The following ANKRD33B variants were observed in gnomAD, a reference collection of about 807,000 sequenced individuals.
The protein encoded by ANKRD33B is ankyrin repeat domain 33B, also known as ankyrin repeat domain-containing protein 33B.
ANKRD33B carries 6 observed loss-of-function variants against 21.5 expected under a neutral mutation model. That is an observed-to-expected ratio of 0.28 (90% CI 0.15 to 0.55). The LOEUF is 0.55. Ranked by LOEUF, ANKRD33B falls within the 20% of genes least tolerant of loss-of-function variation. ANKRD33B has a pLI of 0.94. For missense variants in ANKRD33B, 698 were observed against 747.2 expected (o/e 0.93, Z 0.77); for synonymous variants, 347 against 342.4 (o/e 1.01, Z -0.15).
At chr5:10,644,106 T>A (rs1055061644) in intron 3 of ANKRD33B, among the ~76,000 whole-genome samples, 2 of 152,120 alleles carry the variant, frequency 1.3e-5, no homozygotes, top group Non-Finnish European at 2.9e-5. Flanking sequence ...ATATTTTAAG[T>A]CTTATTCTTT....
At chr5:10,581,329 C>A (rs1285241836) in intron 1 of ANKRD33B, among the ~76,000 whole-genome samples, 3 of 152,248 alleles carry the variant, frequency 2.0e-5, no homozygotes, top group Non-Finnish European at 4.4e-5. Flanking sequence ...TGGCCCCCTG[C>A]CTTTCAGCCA....
At chr5:10,606,780 G>A (rs1264007543) in intron 1 of ANKRD33B, among the ~76,000 whole-genome samples, 1 of 151,064 alleles carries the variant, frequency 6.6e-6, no homozygotes, top group Non-Finnish European at 1.5e-5. Context: ...CCAGGTTAGA[G>A]GGCAGTGGCG....
intron 1 of ANKRD33B, among the ~76,000 whole-genome samples, chr5:10,586,106 C>T (rs1323765033): frequency 6.6e-6 from 1 of 152,094 alleles, no homozygotes; most frequent in African/African-American, 2.4e-5. Flanking sequence ...AATTGCATAG[C>T]ATTTCTTTCT....
chr5:10,573,810 A>C (rs886713830), intron 1 of ANKRD33B, among the ~76,000 whole-genome samples: 2 of 152,204 alleles, frequency 1.3e-5, no homozygotes, highest in Non-Finnish European at 2.9e-5. Flanking sequence ...GTCACCTCCC[A>C]CCAGGCCCCT....
In ANKRD33B at chr5:10,640,084, T is replaced by C. The variant is rs370151280; in HGVS notation, c.637+1916T>C. Among the ~76,000 whole-genome samples, 2 of 51,644 alleles carry C rather than the reference T, an allele frequency of 3.9e-5. 1 individual carries two copies. Among genetic ancestry groups the C allele is most frequent in the Non-Finnish European group, 9.3e-5 (2 of 21,530 alleles). 33.9% of individuals were successfully genotyped at this position (51,644 alleles called of 152,430 possible). Reference sequence around the variant, plus strand: ...TAGGCGGTGACGTGGAGTTGCGTGGTAATGTTAGCGGGTGACGTGGAGTTG... The same window carrying C: ...TAGGCGGTGACGTGGAGTTGCGTGGCAATGTTAGCGGGTGACGTGGAGTTG... On this transcript the variant is annotated intron_variant, in intron 3 of 3. Coordinates refer to ENST00000296657, the MANE Select transcript of ANKRD33B (RefSeq NM_001164440.2).
intron 1 of ANKRD33B, among the ~76,000 whole-genome samples, chr5:10,589,163 C>T (rs986982609): frequency 2.0e-5 from 3 of 152,066 alleles, no homozygotes; most frequent in South Asian, 2.1e-4. Flanking sequence ...CTAATCCAAC[C>T]GTGCTGTGGG....
rs551894016 is a variant in ANKRD33B, at chr5:10,650,194, C to A, written c.*81C>A. 5 of 1,351,006 alleles carry A rather than the reference C, an allele frequency of 3.7e-6. No homozygotes were observed. The highest frequency in any genetic ancestry group is 5.7e-5 in the East Asian group (2 of 35,012). The allele number at this position is 1,351,006 out of a possible 1,614,324, so 83.7% of individuals were successfully genotyped here. On this transcript the variant is annotated 3_prime_UTR_variant, in exon 4 of 4. Transcript: ENST00000296657. ...CTGGGCGCGGAGAAGGAGGCGGCCC[C>A]GTTGCGCATCGCACCACTTCCGCTC... is the stretch of plus-strand genomic sequence containing the variant.
At chr5:10,573,291 A>G (rs528223472) in intron 1 of ANKRD33B, among the ~76,000 whole-genome samples, 2 of 152,070 alleles carry the variant, frequency 1.3e-5, no homozygotes, top group Non-Finnish European at 2.9e-5. Flanking sequence ...ACACGGTGAA[A>G]CCCCGTCTTT....
chr5:10,618,243 G>C, intron 1 of ANKRD33B, 90 bp from the exon 2 acceptor site: 5 of 1,504,370 alleles, frequency 3.3e-6, no homozygotes, highest in Non-Finnish European at 4.5e-6. Context: ...CAGCCCCCTG[G>C]AGGGTAGTGG....
chr5:10,627,289 CTTG>C (rs1286130564), intron 2 of ANKRD33B: 1 of 152,182 alleles, frequency 6.6e-6, no homozygotes, highest in East Asian at 1.9e-4. Context: ...TTTCTGTTTC[CTTG>C]TTGTGCTTTA....
chr5:10,620,193 C>T lies in ANKRD33B; in HGVS notation c.496+1731C>T, dbSNP rs113237609. ...AGAGGGCTCAGAGCACAGGGAAGGG[C>T]CGGGAGCTGTGTGGCTAGAAACACA... On this transcript the variant is annotated intron_variant, in intron 2 of 3. Transcript: ENST00000296657. 1.2e-3 allele frequency among the ~76,000 whole-genome samples: 183 copies of T among 152,166 alleles called. 3 individuals are homozygous for T. Among genetic ancestry groups the T allele is most frequent in the Admixed American group, 1.4e-3 (21 of 15,284 alleles).
rs1278239922 is a variant in ANKRD33B, at chr5:10,642,681, G to T, written c.637+4513G>T. 9.9e-5 allele frequency among the ~76,000 whole-genome samples: 15 copies of T among 152,210 alleles called. No individual in the cohort carries two copies. The East Asian group carries it at 2.9e-3, about 29-fold the overall frequency. Reference sequence around the variant, plus strand: ...TCGGGTGCATGCTGGGCTTGGAGAAGCCTTCGGACATGTTGGTTGTGATTA... The same window carrying T: ...TCGGGTGCATGCTGGGCTTGGAGAATCCTTCGGACATGTTGGTTGTGATTA... On this transcript the variant is annotated intron_variant, in intron 3 of 3. Transcript: ENST00000296657.
intron 2 of ANKRD33B, among the ~76,000 whole-genome samples, chr5:10,631,118 G>A (rs909323184): frequency 6.6e-6 from 1 of 152,214 alleles, no homozygotes; most frequent in African/African-American, 2.4e-5. Flanking sequence ...TTAGGGAAAA[G>A]GGGTTCTGGT....
intron 3 of ANKRD33B, among the ~76,000 whole-genome samples, chr5:10,641,756 A>G (rs187332281): frequency 1.2e-3 from 185 of 152,220 alleles, no homozygotes; most frequent in African/African-American, 4.3e-3. Flanking sequence ...AAATAAGTTC[A>G]GTGAATGAGA....
intron 2 of ANKRD33B, among the ~76,000 whole-genome samples, chr5:10,630,884 A>AG (rs1553994252): frequency 6.6e-6 from 1 of 151,338 alleles, no homozygotes; most frequent in African/African-American, 2.4e-5. Context: ...AAAAAAAAAA[A>AG]AAGAAGAAGA....
intron 3 of ANKRD33B, among the ~76,000 whole-genome samples, chr5:10,640,591 T>A (rs1737026219): frequency 6.6e-6 from 1 of 152,278 alleles, no homozygotes; most frequent in Non-Finnish European, 1.5e-5. Context: ...AGTTAGCAGC[T>A]GACATCTCAG....
At chr5:10,580,560 A>G (rs903132585) in intron 1 of ANKRD33B, among the ~76,000 whole-genome samples, 1 of 151,992 alleles carries the variant, frequency 6.6e-6, no homozygotes, top group Admixed American at 6.5e-5. Context: ...TTTTCTGAAG[A>G]GAAGGTTGCA....
intron 1 of ANKRD33B, among the ~76,000 whole-genome samples, chr5:10,600,437 A>C (rs751198419): frequency 1.3e-5 from 2 of 152,202 alleles, no homozygotes; most frequent in African/African-American, 4.8e-5. Flanking sequence ...GGTGTCTGGC[A>C]TATTTTGTTC....
chr5:10,570,515 G>A (rs1460641448), intron 1 of ANKRD33B, among the ~76,000 whole-genome samples: 1 of 151,420 alleles, frequency 6.6e-6, no homozygotes, highest in Non-Finnish European at 1.5e-5. Flanking sequence ...CAGCTTGGCT[G>A]AAGCATCACT....
Sources: gnomAD v4.1 joint callset for allele counts (sites outside exome capture counted in the v4.1 genomes callset) on GRCh38, gnomAD v4.1.1 for gene constraint, MANE v1.5 for transcripts, NCBI Gene and HGNC (gene_info 2026-07-23, HGNC 2026-07-21) for gene names.